The following CNTN5 variants were observed in gnomAD, a reference collection of about 807,000 sequenced individuals.
CNTN5 encodes contactin 5, also known as contactin-5.
Under a neutral mutation model 129.1 loss-of-function variants are expected in CNTN5, and 77 were observed. That is an observed-to-expected ratio of 0.60 (90% CI 0.50 to 0.72). CNTN5 has a LOEUF of 0.72. Ranked by LOEUF, CNTN5 falls within the 30% of genes least tolerant of loss-of-function variation. CNTN5 has a pLI of 0.00. For missense variants in CNTN5, 1,478 were observed against 1,328.8 expected (o/e 1.11, Z -1.75); for synonymous variants, 509 against 465.6 (o/e 1.09, Z -1.20).
At chr11:100,284,320 C>T (rs1950716305) in intron 18 of CNTN5, among the ~76,000 whole-genome samples, 1 of 152,168 alleles carries the variant, frequency 6.6e-6, no homozygotes, top group South Asian at 2.1e-4. Context: ...TCTATTCTGC[C>T]ATCTTGCTCT....
intron 13 of CNTN5, among the ~76,000 whole-genome samples, chr11:100,123,986 T>G (rs1244467271): frequency 6.6e-6 from 1 of 152,022 alleles, no homozygotes; most frequent in Non-Finnish European, 1.5e-5. Context: ...TTAGGGTATA[T>G]CAAATGGGCT....
chr11:99,076,176 A>G (rs1421058153), intron 1 of CNTN5, among the ~76,000 whole-genome samples: 1 of 152,022 alleles, frequency 6.6e-6, no homozygotes, highest in Non-Finnish European at 1.5e-5. Flanking sequence ...TCCACTGAAA[A>G]AAAAGAAAAT....
intron 13 of CNTN5, among the ~76,000 whole-genome samples, chr11:100,124,730 G>C (rs1053110550): frequency 3.9e-5 from 6 of 151,928 alleles, no homozygotes; most frequent in Non-Finnish European, 4.4e-5. Context: ...TTTCTGAAAG[G>C]GAACAAAAGA....
intron 20 of CNTN5, among the ~76,000 whole-genome samples, chr11:100,307,266 C>T (rs1951373180): frequency 6.6e-6 from 1 of 151,522 alleles, no homozygotes; most frequent in Non-Finnish European, 1.5e-5. Context: ...TGAAGCTCAA[C>T]TCTAATCAGT....
Position 99,721,510 on chromosome 11 carries a change from A to T in CNTN5, c.56-98034A>T, listed in dbSNP as rs374443804. ...AGTTGGATTAAAGACTTAAATGTAA[A>T]ACCCCAAGCTATAAAAACCCTGGAA... On this transcript the variant is annotated intron_variant, in intron 3 of 24. Transcript: ENST00000524871. Among the ~76,000 whole-genome samples the T allele has an allele frequency of 1.1e-4, 17 of 152,224 alleles. No homozygotes were observed. The South Asian group carries it at 1.4e-3, about 13-fold the overall frequency.
At chr11:99,998,152 C>G (rs932850649) in intron 8 of CNTN5, among the ~76,000 whole-genome samples, 20 of 151,716 alleles carry the variant, frequency 1.3e-4, no homozygotes, top group Non-Finnish European at 1.5e-5. Context: ...AAGTTCTGGG[C>G]AGGGCAATCA....
chr11:99,954,617 G>C (rs1299285595), intron 7 of CNTN5, among the ~76,000 whole-genome samples: 1 of 152,042 alleles, frequency 6.6e-6, no homozygotes, highest in African/African-American at 2.4e-5. Context: ...AATAATTATA[G>C]ATTTATAGTT....
intron 21 of CNTN5, 24 bp from the exon 22 acceptor site, chr11:100,340,439 T>C: frequency 6.4e-7 from 1 of 1,566,992 alleles, no homozygotes; most frequent in Non-Finnish European, 8.7e-7. Context: ...AAAATTAACC[T>C]GCCATGTGAT....
chr11:99,233,945 C>CAAATAAAT (rs144108946), intron 1 of CNTN5, among the ~76,000 whole-genome samples: 89 of 150,778 alleles, frequency 5.9e-4, no homozygotes, highest in Middle Eastern at 6.8e-3. Context: ...GACTCCATCT[C>CAAATAAAT]AAATAAATAA....
chr11:99,752,934 CT>C (rs1340408416), intron 3 of CNTN5, among the ~76,000 whole-genome samples: 3 of 152,012 alleles, frequency 2.0e-5, no homozygotes, highest in Non-Finnish European at 4.4e-5. Context: ...TGAAGAGAGT[CT>C]GTAGTTGTCT....
At chr11:99,283,980 A>G (rs1863815278) in intron 1 of CNTN5, among the ~76,000 whole-genome samples, 2 of 152,142 alleles carry the variant, frequency 1.3e-5, no homozygotes, top group Non-Finnish European at 1.5e-5. Context: ...TATGCATCTG[A>G]TCTTCAAAGT....
At chr11:99,161,799 T>A (rs1405221298) in intron 1 of CNTN5, among the ~76,000 whole-genome samples, 1 of 152,152 alleles carries the variant, frequency 6.6e-6, no homozygotes, top group Admixed American at 6.5e-5. Flanking sequence ...GATTGAATTC[T>A]GAGGATGTTT....
chr11:100,042,179 G>A (rs1298909601), intron 9 of CNTN5, among the ~76,000 whole-genome samples: 4 of 150,878 alleles, frequency 2.7e-5, no homozygotes, highest in South Asian at 2.1e-4. Context: ...TGTGTATTAT[G>A]TAGATAGTAG....
chr11:99,936,783 G>A (rs538198951), intron 7 of CNTN5, among the ~76,000 whole-genome samples: 1 of 152,302 alleles, frequency 6.6e-6, no homozygotes, highest in East Asian at 1.9e-4. Flanking sequence ...GGTTGAGATG[G>A]AAGTCTTTTG....
At chr11:99,544,064 G>T (rs1948206578) in intron 2 of CNTN5, among the ~76,000 whole-genome samples, 1 of 152,086 alleles carries the variant, frequency 6.6e-6, no homozygotes, top group South Asian at 2.1e-4. Flanking sequence ...ATAAAGAAAG[G>T]GGTTTAATTG....
chr11:99,039,569 T>C (rs535610906), intron 1 of CNTN5, among the ~76,000 whole-genome samples: 1 of 151,698 alleles, frequency 6.6e-6, no homozygotes, highest in Non-Finnish European at 1.5e-5. Flanking sequence ...AAAGAGAGAG[T>C]GTGCAAGTGT....
At chr11:100,309,673 T>TGACCAC in intron 21 of CNTN5, 1 of 984,904 alleles carries the variant, frequency 1.0e-6, no homozygotes, top group Non-Finnish European at 1.2e-6. Flanking sequence ...GGCCCATAAC[T>TGACCAC]GACCACAATA....
intron 3 of CNTN5, among the ~76,000 whole-genome samples, chr11:99,724,642 A>T (rs1187576480): frequency 6.6e-6 from 1 of 152,198 alleles, no homozygotes. Flanking sequence ...CTGAGACTTG[A>T]ATCCAGACAG....
intron 2 of CNTN5, among the ~76,000 whole-genome samples, chr11:99,413,821 C>T (rs1322473648): frequency 1.3e-5 from 2 of 152,120 alleles, no homozygotes; most frequent in Admixed American, 6.6e-5. Context: ...AGAGACTTCA[C>T]CATCTGCAAG....
Sources: allele counts gnomAD v4.1 joint callset (sites outside exome capture counted in the v4.1 genomes callset), GRCh38; gene constraint gnomAD v4.1.1; transcripts MANE v1.5; gene names NCBI Gene and HGNC (gene_info 2026-07-23, HGNC 2026-07-21).